The following NCKAP5 variants were observed in gnomAD, a reference collection of about 807,000 sequenced individuals.
NCKAP5 encodes NCK associated protein 5.
Under a neutral mutation model 167.0 loss-of-function variants are expected in NCKAP5, and 92 were observed. The ratio of observed to expected loss-of-function variants is 0.55; its 90% CI spans 0.47 to 0.66. The LOEUF is 0.66. Among genes scored for constraint, NCKAP5 ranks in the 30% least tolerant of loss-of-function variants. The pLI, the probability that NCKAP5 is intolerant of heterozygous loss-of-function variation, is 0.00. For synonymous variants in NCKAP5, 891 were observed against 877.4 expected, an observed-to-expected ratio of 1.02 and a Z score of -0.27; for missense variants, 2,378 against 2,315.0, an observed-to-expected ratio of 1.03 and a Z score of -0.56.
chr2:133,254,634 A>C (rs1020432909), intron 4 of NCKAP5, among the ~76,000 whole-genome samples: 3 of 152,188 alleles, frequency 2.0e-5, no homozygotes, highest in African/African-American at 7.2e-5. Context: ...CGTCCTTCAC[A>C]TACATAATCT....
At chr2:133,543,555 C>T (rs1686405095) in intron 2 of NCKAP5, among the ~76,000 whole-genome samples, 1 of 152,184 alleles carries the variant, frequency 6.6e-6, no homozygotes, top group African/African-American at 2.4e-5. Context: ...CTGATATTAT[C>T]ACTCCTAAGT....
At chr2:133,232,433 T>C (rs748492542) in intron 4 of NCKAP5, among the ~76,000 whole-genome samples, 8 of 152,092 alleles carry the variant, frequency 5.3e-5, no homozygotes, top group Non-Finnish European at 8.8e-5. Context: ...AGAAAAGCAC[T>C]AACAGACAAA....
intron 6 of NCKAP5, among the ~76,000 whole-genome samples, chr2:133,010,376 G>A (rs983376872): frequency 2.0e-5 from 3 of 152,072 alleles, no homozygotes; most frequent in African/African-American, 7.2e-5. Flanking sequence ...ACCTACTTAA[G>A]GTTCTTCCAA....
intron 4 of NCKAP5, among the ~76,000 whole-genome samples, chr2:133,294,402 C>T (rs752469543): frequency 7.9e-5 from 12 of 152,194 alleles, no homozygotes; most frequent in Non-Finnish European, 1.8e-4. Context: ...GGTACATCTT[C>T]AAGAGGCTCT....
Position 132,773,671 on chromosome 2 carries a change from C to A in NCKAP5, c.5128+145G>T, listed in dbSNP as rs1207248437. 6 of 651,742 alleles carry A rather than the reference C, an allele frequency of 9.2e-6. No homozygotes were observed. In the East Asian group the frequency reaches 1.7e-4, roughly 18 times the overall value. 40.4% of individuals were successfully genotyped at this position (651,742 alleles called of 1,614,324 possible). A position where few individuals can be genotyped will look rare whatever the true frequency, so the allele number is the denominator to read the frequency against. ...CTTATTTTATGGTAACGTCCAATGT[C>A]TAAGGAGATAATGGCAACCATGTGT... On this transcript the variant is annotated intron_variant, in intron 16 of 19. Coordinates refer to ENST00000409261, the MANE Select transcript of NCKAP5 (RefSeq NM_207363.3).
chr2:133,081,953 G>C (rs2080824591), intron 6 of NCKAP5, among the ~76,000 whole-genome samples: 1 of 152,134 alleles, frequency 6.6e-6, no homozygotes, highest in African/African-American at 2.4e-5. Flanking sequence ...GAATGTCACA[G>C]GGGTTCAGTG....
At chr2:132,941,767 C>G (rs1354168536) in intron 8 of NCKAP5, among the ~76,000 whole-genome samples, 1 of 152,096 alleles carries the variant, frequency 6.6e-6, no homozygotes, top group African/African-American at 2.4e-5. Flanking sequence ...TCAAAATACT[C>G]CTGACTCATA....
chr2:133,080,719 T>C (rs1269735879), intron 6 of NCKAP5, among the ~76,000 whole-genome samples: 3 of 152,134 alleles, frequency 2.0e-5, no homozygotes, highest in Admixed American at 2.0e-4. Context: ...AGGCATGGTG[T>C]CTACTCTCAA....
intron 3 of NCKAP5, among the ~76,000 whole-genome samples, chr2:133,448,538 C>G (rs1333138198): frequency 4.6e-5 from 7 of 152,198 alleles, no homozygotes; most frequent in African/African-American, 1.4e-4. Context: ...TCCCCAAATG[C>G]TGCAAATTGA....
chr2:133,663,481 T>TG, the NCKAP5 span, among the ~76,000 whole-genome samples: 1 of 152,206 alleles, frequency 6.6e-6, no homozygotes, highest in Non-Finnish European at 1.5e-5. Context: ...CTCTGCAACA[T>TG]GCAATGCTGT....
chr2:133,057,810 A>T (rs994178815), intron 6 of NCKAP5, among the ~76,000 whole-genome samples: 1 of 152,272 alleles, frequency 6.6e-6, no homozygotes, highest in Non-Finnish European at 1.5e-5. Flanking sequence ...ACTACACTAA[A>T]CAATAGATTT....
At chr2:132,926,308 G>A (rs1695884397) in intron 8 of NCKAP5, 1 of 201,646 alleles carries the variant, frequency 5.0e-6, no homozygotes, top group Non-Finnish European at 1.1e-5. Context: ...GACACTTAGG[G>A]TTGTGAATAG....
intron 4 of NCKAP5, among the ~76,000 whole-genome samples, chr2:133,255,523 T>C (rs1237339431): frequency 1.8e-5 from 2 of 109,056 alleles, no homozygotes; most frequent in East Asian, 5.2e-4. Flanking sequence ...TTAGGGAATG[T>C]GTGTACAAAT....
At chr2:133,278,696 T>A (rs1475989000) in intron 4 of NCKAP5, among the ~76,000 whole-genome samples, 3 of 145,808 alleles carry the variant, frequency 2.1e-5, no homozygotes, top group African/African-American at 7.6e-5. Flanking sequence ...AAAATATTTT[T>A]AAAATAAATT....
intron 4 of NCKAP5, among the ~76,000 whole-genome samples, chr2:133,245,942 A>G (rs1186276631): frequency 2.0e-5 from 3 of 151,762 alleles, no homozygotes; most frequent in Admixed American, 6.6e-5. Context: ...CATAGCAGAC[A>G]CTAAACAATT....
Position 132,909,214 on chromosome 2 carries a change from C to T in NCKAP5, c.580-30298G>A, listed in dbSNP as rs564340142. 1.2e-3 allele frequency among the ~76,000 whole-genome samples: 180 copies of T among 152,116 alleles called. 1 individual carries two copies. The highest frequency in any genetic ancestry group is 9.3e-4 in the Non-Finnish European group (63 of 67,998). On this transcript the variant is annotated intron_variant, in intron 8 of 19. Coordinates refer to ENST00000409261, the MANE Select transcript of NCKAP5 (RefSeq NM_207363.3). ...TGCACAAATTAGCTACGTGTGGTGG[C>T]GCACGCCTGTGATCCCAGCTACTCA...
chr2:132,878,218 C>T (rs1691439799), intron 9 of NCKAP5, among the ~76,000 whole-genome samples: 1 of 152,196 alleles, frequency 6.6e-6, no homozygotes, highest in Non-Finnish European at 1.5e-5. Context: ...CTCAAATGCC[C>T]ATTATCTTTG....
intron 3 of NCKAP5, among the ~76,000 whole-genome samples, chr2:133,377,078 T>C (rs1227928345): frequency 1.3e-5 from 2 of 152,164 alleles, no homozygotes; most frequent in African/African-American, 4.8e-5. Context: ...AAAAGAAAAT[T>C]CTTACAGATG....
chr2:133,097,895 T>C (rs182964102), intron 6 of NCKAP5, among the ~76,000 whole-genome samples: 2 of 152,310 alleles, frequency 1.3e-5, no homozygotes, highest in South Asian at 2.1e-4. Flanking sequence ...GTGCATTTTC[T>C]ACATCTGGGT....
Sources: allele counts gnomAD v4.1 joint callset (sites outside exome capture counted in the v4.1 genomes callset), GRCh38; gene constraint gnomAD v4.1.1; transcripts MANE v1.5; gene names NCBI Gene and HGNC (gene_info 2026-07-23, HGNC 2026-07-21).